WDR7: variants seen among roughly 807,000 people sequenced by gnomAD.
WDR7 encodes the protein WD repeat-containing protein 7.
WDR7 carries 46 observed loss-of-function variants against 169.4 expected under a neutral mutation model. That is an observed-to-expected ratio of 0.27 (90% CI 0.21 to 0.35). The LOEUF (loss-of-function observed/expected upper bound fraction) is 0.35, where lower values mean the gene tolerates loss of function less well. Among genes scored for constraint, WDR7 ranks in the 10% least tolerant of loss-of-function variants. The pLI, the probability that WDR7 is intolerant of heterozygous loss-of-function variation, is 1.00. For missense variants in WDR7, 1,534 were observed against 1,859.3 expected, an observed-to-expected ratio of 0.83 and a Z score of 3.22; for synonymous variants, 612 against 666.8, an observed-to-expected ratio of 0.92 and a Z score of 1.27.
rs1568245170 is a variant in WDR7 at position 56,880,113 on chromosome 18, G to A, written c.3474G>A (p.Glu1158=). The A allele has an allele frequency of 2.4e-5, 38 of 1,613,924 alleles. No homozygotes were observed. The highest frequency in any genetic ancestry group is 3.1e-5 in the Non-Finnish European group (36 of 1,179,972). ...TRPRSSSQIP[E]GFGLTSGGSN... ...CTCGAAGCTCTAGCCAAATTCCTGA[G>A]GGATTCGGGTTGACTAGTGGTGGAT... The change falls in exon 21 of 28, where the codon GAG becomes GAA. Residue 1158 remains glutamate (E), a synonymous_variant. Transcript: ENST00000254442.
intron 26 of WDR7, among the ~76,000 whole-genome samples, chr18:56,992,181 C>T (rs1038071295): frequency 4.6e-5 from 7 of 152,160 alleles, no homozygotes; most frequent in Non-Finnish European, 7.4e-5. Context: ...GAATCTATTC[C>T]GAGCTAGACC....
intron 12 of WDR7, among the ~76,000 whole-genome samples, chr18:56,700,336 A>C (rs577513969): frequency 4.6e-5 from 6 of 129,686 alleles, no homozygotes; most frequent in Admixed American, 3.0e-4. Context: ...GGCTCACTGC[A>C]ACCTCCACCT....
chr18:56,934,762 C>A (rs915495086), intron 22 of WDR7, among the ~76,000 whole-genome samples: 1 of 152,098 alleles, frequency 6.6e-6, no homozygotes, highest in Non-Finnish European at 1.5e-5. Flanking sequence ...TCAGTAAACA[C>A]AATCCAGTTT....
rs374425410 is a variant in WDR7 at position 56,680,269 on chromosome 18, G to A, written c.266+831G>A. On this transcript the variant is annotated intron_variant, in intron 3 of 27. Coordinates refer to ENST00000254442, the MANE Select transcript of WDR7 (RefSeq NM_015285.3). Reference sequence around the variant, plus strand: ...GCTACTTAGGAGGCTGAGGTGGTAGGATCACCCGAGCCCAGGAGATTGAGG... The same window carrying A: ...GCTACTTAGGAGGCTGAGGTGGTAGAATCACCCGAGCCCAGGAGATTGAGG... Among the ~76,000 whole-genome samples, 3 of 152,188 alleles carry A rather than the reference G, an allele frequency of 2.0e-5. No individual in the cohort carries two copies. In the South Asian group the frequency reaches 6.3e-4, roughly 32 times the overall value.
chr18:56,874,636 G>A (rs551836684), intron 20 of WDR7, among the ~76,000 whole-genome samples: 102 of 151,932 alleles, frequency 6.7e-4, no homozygotes, highest in Non-Finnish European at 1.3e-3. Flanking sequence ...TTAAGAAAAT[G>A]TTTCATAACT....
chr18:56,905,862 A>G (rs1003332856), intron 21 of WDR7, among the ~76,000 whole-genome samples: 1 of 152,198 alleles, frequency 6.6e-6, no homozygotes, highest in Non-Finnish European at 1.5e-5. Flanking sequence ...GGGAAAAAAA[A>G]TCACATAAAC....
intron 17 of WDR7, 23 bp downstream of exon 17, chr18:56,776,903 A>G (rs758592742): frequency 3.2e-6 from 5 of 1,581,960 alleles, no homozygotes; most frequent in Admixed American, 3.3e-5. Context: ...ACTTCTAACA[A>G]CTTTCTCTCA....
intron 14 of WDR7, among the ~76,000 whole-genome samples, chr18:56,755,105 T>C (rs1481734703): frequency 2.0e-5 from 3 of 152,126 alleles, no homozygotes; most frequent in Non-Finnish European, 4.4e-5. Flanking sequence ...TTCTTTTTTT[T>C]TTCTTTTGGC....
intron 21 of WDR7, among the ~76,000 whole-genome samples, chr18:56,909,439 C>G (rs1449865413): frequency 6.6e-6 from 1 of 152,030 alleles, no homozygotes; most frequent in Admixed American, 6.6e-5. Flanking sequence ...AGATTGTGCA[C>G]TATTGTTCTG....
At chr18:57,014,662 GAAA>G (rs112574282) in intron 26 of WDR7, among the ~76,000 whole-genome samples, 1 of 146,046 alleles carries the variant, frequency 6.8e-6, no homozygotes, top group African/African-American at 2.5e-5. Flanking sequence ...TGTCTCAAAA[GAAA>G]AAAAAAAGGA....
chr18:56,745,736 T>G (rs2043692468), intron 14 of WDR7, among the ~76,000 whole-genome samples: 1 of 152,168 alleles, frequency 6.6e-6, no homozygotes, highest in Non-Finnish European at 1.5e-5. Flanking sequence ...ACATGCTAAT[T>G]TAAGTTTATA....
chr18:56,979,487 T>C (rs780151444), intron 26 of WDR7, among the ~76,000 whole-genome samples: 1 of 152,214 alleles, frequency 6.6e-6, no homozygotes, highest in Non-Finnish European at 1.5e-5. Context: ...CTCTATCTGA[T>C]AAAATCGCTA....
At chr18:56,772,527 G>C (rs1054655429) in intron 16 of WDR7, among the ~76,000 whole-genome samples, 5 of 151,974 alleles carry the variant, frequency 3.3e-5, no homozygotes, top group African/African-American at 1.2e-4. Flanking sequence ...AAGACAAATG[G>C]GGAGAAAATA....
intron 13 of WDR7, among the ~76,000 whole-genome samples, chr18:56,718,706 G>GT (rs1473128867): frequency 1.3e-5 from 2 of 152,138 alleles, no homozygotes; most frequent in Non-Finnish European, 2.9e-5. Flanking sequence ...GACTGCTGTG[G>GT]TTTTCCCTCA....
intron 26 of WDR7, among the ~76,000 whole-genome samples, chr18:56,992,357 T>C (rs1417743507): frequency 6.6e-6 from 1 of 152,238 alleles, no homozygotes; most frequent in Non-Finnish European, 1.5e-5. Context: ...AAATTATCTA[T>C]GTGGAATGTT....
At chr18:56,929,770 C>T (rs921490395) in intron 22 of WDR7, among the ~76,000 whole-genome samples, 6 of 152,358 alleles carry the variant, frequency 3.9e-5, no homozygotes, top group Admixed American at 6.5e-5. Context: ...TCATTGGAAT[C>T]ATAGACTGAG....
rs147637408 is a variant in WDR7, at chr18:56,939,026, A to G, written c.3982-285A>G. On this transcript the variant is annotated intron_variant, in intron 24 of 27. Coordinates refer to ENST00000254442, the MANE Select transcript of WDR7 (RefSeq NM_015285.3). ...ACATCTTTCATTATAAATAAAATAT[A>G]TAATGTGTTGAATAATGTATTATGT... Among the ~76,000 whole-genome samples, 624 of 152,262 alleles carry G rather than the reference A, an allele frequency of 4.1e-3. 3 individuals carry two copies. The highest frequency in any genetic ancestry group is 0.013 in the African/African-American group (546 of 41,556).
intron 4 of WDR7, among the ~76,000 whole-genome samples, chr18:56,682,102 T>C (rs1373626762): frequency 6.6e-6 from 1 of 152,200 alleles, no homozygotes; most frequent in African/African-American, 2.4e-5. Context: ...TAGGCATTTC[T>C]TGTATTGTGT....
chr18:56,829,194 C>T (rs1354170163), intron 20 of WDR7, among the ~76,000 whole-genome samples: 1 of 150,170 alleles, frequency 6.7e-6, no homozygotes, highest in Non-Finnish European at 1.5e-5. Flanking sequence ...GAGGCTGAGA[C>T]AAAATGATCA....
Sources: gnomAD v4.1 joint callset for allele counts (sites outside exome capture counted in the v4.1 genomes callset) on GRCh38, gnomAD v4.1.1 for gene constraint, MANE v1.5 for transcripts, NCBI Gene and HGNC (gene_info 2026-07-23, HGNC 2026-07-21) for gene names.